The following GSK3B variants were observed in gnomAD, a reference collection of about 807,000 sequenced individuals.
GSK3B encodes the protein glycogen synthase kinase 3 beta.
In GSK3B, 15 loss-of-function variants were observed where a neutral mutation model predicts 56.4. The observed-to-expected ratio is 0.27, with a 90% confidence interval of 0.18 to 0.41. The LOEUF (loss-of-function observed/expected upper bound fraction) is 0.41, where lower values mean the gene tolerates loss of function less well. GSK3B is among the 10% of genes least tolerant of loss of function. GSK3B has a pLI of 1.00. For synonymous variants in GSK3B, 181 were observed against 188.9 expected, an observed-to-expected ratio of 0.96 and a Z score of 0.34; for missense variants, 300 against 513.4, an observed-to-expected ratio of 0.58 and a Z score of 4.02.
chr3:119,947,612 A>G, intron 2 of GSK3B, among the ~76,000 whole-genome samples: 1 of 152,216 alleles, frequency 6.6e-6, no homozygotes, highest in East Asian at 1.9e-4. Context: ...ATAAATTGAT[A>G]TCTAAGAATA....
chr3:119,937,184 T>G (rs568339637), intron 3 of GSK3B, among the ~76,000 whole-genome samples: 1 of 152,240 alleles, frequency 6.6e-6, no homozygotes, highest in East Asian at 1.9e-4. Flanking sequence ...TAGTTTGGAC[T>G]GTTTGTCCCC....
chr3:119,901,380 GA>G (rs1209158833), intron 7 of GSK3B, among the ~76,000 whole-genome samples: 1 of 152,128 alleles, frequency 6.6e-6, no homozygotes, highest in African/African-American at 2.4e-5. Flanking sequence ...ATTAACTTCA[GA>G]AAGTTAAATA....
At chr3:120,054,918 G>C (rs2058180678) in intron 1 of GSK3B, among the ~76,000 whole-genome samples, 1 of 152,090 alleles carries the variant, frequency 6.6e-6, no homozygotes, top group Non-Finnish European at 1.5e-5. Flanking sequence ...GTATCCATCT[G>C]GTCTTCCCAG....
rs1303558615 is a variant in GSK3B at position 119,863,611 on chromosome 3, G to A, written c.910-6C>T. ...GGAGTTCGGGGTCGGAAGACCTGCA[G>A]TACAAAAAAAGGGAAAGAACAATTA... On this transcript the variant is annotated splice_polypyrimidine_tract_variant and splice_region_variant and intron_variant, in intron 8 of 10. Transcript: ENST00000264235. The A allele has an allele frequency of 2.5e-6, 4 of 1,577,716 alleles. No individual in the cohort carries two copies. The highest frequency in any genetic ancestry group is 2.6e-6 in the Non-Finnish European group (3 of 1,150,966).
chr3:119,858,909 G>C (rs1316462227), intron 9 of GSK3B, among the ~76,000 whole-genome samples: 1 of 147,980 alleles, frequency 6.8e-6, no homozygotes, highest in African/African-American at 2.5e-5. Flanking sequence ...TGGCTGATTG[G>C]TGGAGCAGTT....
intron 1 of GSK3B, among the ~76,000 whole-genome samples, chr3:120,085,918 A>G (rs1237753880): frequency 6.6e-6 from 1 of 152,210 alleles, no homozygotes; most frequent in East Asian, 1.9e-4. Context: ...CAACCTTTCT[A>G]GTTATATTAG....
chr3:119,928,439 A>G (rs1275778079), intron 3 of GSK3B, among the ~76,000 whole-genome samples: 1 of 151,696 alleles, frequency 6.6e-6, no homozygotes, highest in Non-Finnish European at 1.5e-5. Context: ...CCCCGTCTCT[A>G]CTAAAAATAC....
intron 1 of GSK3B, among the ~76,000 whole-genome samples, chr3:120,089,500 T>C (rs1220540088): frequency 6.6e-6 from 1 of 152,200 alleles, no homozygotes; most frequent in African/African-American, 2.4e-5. Context: ...AAACTCTAAG[T>C]TGCTACCTAC....
chr3:119,952,583 A>T (rs2057168992), intron 2 of GSK3B, among the ~76,000 whole-genome samples: 2 of 151,858 alleles, frequency 1.3e-5, no homozygotes, highest in East Asian at 3.9e-4. Context: ...AGCATTTCAC[A>T]TTTAAACAGT....
intron 3 of GSK3B, among the ~76,000 whole-genome samples, chr3:119,946,189 T>C (rs1394012196): frequency 6.6e-6 from 1 of 152,042 alleles, no homozygotes; most frequent in Non-Finnish European, 1.5e-5. Context: ...TACACAACAA[T>C]TATATGACTG....
chr3:120,084,440 G>T (rs758783207), intron 1 of GSK3B: 1 of 152,196 alleles, frequency 6.6e-6, no homozygotes, highest in Non-Finnish European at 1.5e-5. Flanking sequence ...AGGACTGGAG[G>T]ACAGAAGATT....
At chr3:119,989,807 C>T (rs2057547841) in intron 2 of GSK3B, among the ~76,000 whole-genome samples, 1 of 152,034 alleles carries the variant, frequency 6.6e-6, no homozygotes, top group Non-Finnish European at 1.5e-5. Context: ...TAACCTTTTT[C>T]AAAGATTTTT....
intron 10 of GSK3B, among the ~76,000 whole-genome samples, chr3:119,831,656 C>CAA (rs112424726): frequency 0.03 from 2,347 of 78,154 alleles, 67 homozygotes; most frequent in African/African-American, 0.093. Context: ...GACTCCGTCT[C>CAA]AAAAAAAAAA....
intron 9 of GSK3B, among the ~76,000 whole-genome samples, chr3:119,845,868 C>CA (rs1338616724): frequency 5.9e-5 from 9 of 152,194 alleles, no homozygotes; most frequent in African/African-American, 2.2e-4. Flanking sequence ...CAATCCTAAG[C>CA]AAAAAGAACA....
rs114295858 is a variant in GSK3B at position 120,034,096 on chromosome 3, T to C, written c.89-31857A>G. Among the ~76,000 whole-genome samples the C allele has an allele frequency of 3.9e-3, 568 of 144,760 alleles. 5 individuals are homozygous for C. The highest frequency in any genetic ancestry group is 0.015 in the African/African-American group (557 of 38,368). 95.0% of individuals were successfully genotyped at this position (144,760 alleles called of 152,430 possible). ...TTTTAATTGGACTTTATTTTATTAT[T>C]GAACTGTAAGAGTTCTTCTTGTATT... is the stretch of plus-strand genomic sequence containing the variant. On this transcript the variant is annotated intron_variant, in intron 1 of 10. Transcript: ENST00000264235.
chr3:120,044,116 C>T (rs1029044529), intron 1 of GSK3B, among the ~76,000 whole-genome samples: 34 of 152,200 alleles, frequency 2.2e-4, no homozygotes, highest in African/African-American at 4.8e-5. Context: ...TGCATGGTAA[C>T]TCTCTTCCAG....
rs149775774 is a variant in GSK3B, at chr3:119,881,251, C to T, written c.814-4743G>A. Reference sequence around the variant, plus strand: ...CCTTAAAGTTCAAAATCAGACAACACTATAGTTTACATAGTAAAACTGTGT... The same window carrying T: ...CCTTAAAGTTCAAAATCAGACAACATTATAGTTTACATAGTAAAACTGTGT... On this transcript the variant is annotated intron_variant, in intron 7 of 10. Coordinates refer to ENST00000264235, the MANE Select transcript of GSK3B (RefSeq NM_001146156.2). Among the ~76,000 whole-genome samples the T allele has an allele frequency of 4.2e-3, 641 of 152,150 alleles. 1 individual carries two copies. The highest frequency in any genetic ancestry group is 0.015 in the African/African-American group (605 of 41,516).
chr3:120,025,887 G>C (rs2057918807), intron 1 of GSK3B, among the ~76,000 whole-genome samples: 1 of 152,190 alleles, frequency 6.6e-6, no homozygotes, highest in South Asian at 2.1e-4. Context: ...AGGAAGTCAA[G>C]CAATGTCCTT....
chr3:120,051,962 T>C (rs1262633583), intron 1 of GSK3B, among the ~76,000 whole-genome samples: 10 of 152,180 alleles, frequency 6.6e-5, no homozygotes, highest in Admixed American at 6.5e-4. Context: ...TTAAAACCAG[T>C]GAAAATTCCT....
Sources: allele counts gnomAD v4.1 joint callset (sites outside exome capture counted in the v4.1 genomes callset), GRCh38; gene constraint gnomAD v4.1.1; transcripts MANE v1.5; gene names NCBI Gene and HGNC (gene_info 2026-07-23, HGNC 2026-07-21).